Variants in LHFPL3 observed in about 807,000 individuals in gnomAD.
LHFPL3 encodes LHFPL tetraspan subfamily member 3 protein.
LHFPL3 carries 5 observed loss-of-function variants against 19.3 expected under a neutral mutation model. That is an observed-to-expected ratio of 0.26 (90% CI 0.14 to 0.54). The LOEUF is 0.54. Among genes scored for constraint, LHFPL3 ranks in the 20% least tolerant of loss-of-function variants. The pLI is 0.94. For missense variants in LHFPL3, 249 were observed against 307.4 expected, an observed-to-expected ratio of 0.81 and a Z score of 1.42; for synonymous variants, 133 against 126.2, an observed-to-expected ratio of 1.05 and a Z score of -0.36.
chr7:104,388,394 C>T (rs1297509320), intron 1 of LHFPL3, among the ~76,000 whole-genome samples: 172 of 152,174 alleles, frequency 1.1e-3, no homozygotes, highest in African/African-American at 4.0e-3. Flanking sequence ...TAAAAGGGAT[C>T]CTCAATAAGA....
At chr7:104,619,191 A>T (rs904107550) in intron 1 of LHFPL3, among the ~76,000 whole-genome samples, 6 of 152,300 alleles carry the variant, frequency 3.9e-5, no homozygotes, top group African/African-American at 1.4e-4. Context: ...TTCACATATT[A>T]TTGTTCTACA....
intron 1 of LHFPL3, among the ~76,000 whole-genome samples, chr7:104,436,953 T>C (rs1377665662): frequency 6.6e-6 from 1 of 152,200 alleles, no homozygotes; most frequent in Non-Finnish European, 1.5e-5. Flanking sequence ...AAGAGAAAAA[T>C]GGAAATATCT....
intron 1 of LHFPL3, among the ~76,000 whole-genome samples, chr7:104,546,497 A>G (rs1279262819): frequency 6.6e-6 from 1 of 152,220 alleles, no homozygotes; most frequent in Non-Finnish European, 1.5e-5. Flanking sequence ...GACACTCAAA[A>G]GAAAGTCAGA....
At chr7:104,529,652 A>T (rs1394997732) in intron 1 of LHFPL3, among the ~76,000 whole-genome samples, 1 of 152,214 alleles carries the variant, frequency 6.6e-6, no homozygotes, top group South Asian at 2.1e-4. Flanking sequence ...TCTACATAAG[A>T]CAGAAAAATC....
intron 1 of LHFPL3, among the ~76,000 whole-genome samples, chr7:104,393,801 A>G (rs981138382): frequency 6.6e-6 from 1 of 152,240 alleles, no homozygotes; most frequent in Non-Finnish European, 1.5e-5. Context: ...GTGCTACAAC[A>G]TGAATGAATA....
intron 1 of LHFPL3, among the ~76,000 whole-genome samples, chr7:104,640,496 C>T (rs1791812232): frequency 6.6e-6 from 1 of 152,112 alleles, no homozygotes; most frequent in Non-Finnish European, 1.5e-5. Context: ...GTATATGTGT[C>T]ACATTTGCTT....
At chr7:104,878,118 A>T (rs1791984081) in intron 2 of LHFPL3, among the ~76,000 whole-genome samples, 1 of 152,166 alleles carries the variant, frequency 6.6e-6, no homozygotes, top group Non-Finnish European at 1.5e-5. Flanking sequence ...TACAGGCATG[A>T]GCCACCGTGC....
At chr7:104,783,743 G>A (rs1789857919) in intron 2 of LHFPL3, among the ~76,000 whole-genome samples, 1 of 152,122 alleles carries the variant, frequency 6.6e-6, no homozygotes, top group Non-Finnish European at 1.5e-5. Context: ...CCTGAAGTCA[G>A]ATAAACCAAG....
chr7:104,448,239 G>T (rs939648858), intron 1 of LHFPL3, among the ~76,000 whole-genome samples: 2 of 152,094 alleles, frequency 1.3e-5, no homozygotes, highest in Admixed American at 1.3e-4. Flanking sequence ...AAAATACAGG[G>T]AAATTCCTAT....
chr7:104,791,297 G>C (rs1463684859), intron 2 of LHFPL3, among the ~76,000 whole-genome samples: 1 of 152,214 alleles, frequency 6.6e-6, no homozygotes, highest in Non-Finnish European at 1.5e-5. Context: ...AACAAAGCCT[G>C]TGGGCAACAT....
chr7:104,378,963 T>C (rs138976443), intron 1 of LHFPL3, among the ~76,000 whole-genome samples: 1 of 152,366 alleles, frequency 6.6e-6, no homozygotes, highest in African/African-American at 2.4e-5. Flanking sequence ...GTTCAACTTA[T>C]CATTTTTTTC....
At chr7:104,475,240 T>C (rs761084568) in intron 1 of LHFPL3, among the ~76,000 whole-genome samples, 4 of 152,130 alleles carry the variant, frequency 2.6e-5, no homozygotes, top group Non-Finnish European at 4.4e-5. Context: ...GGGAATAAAA[T>C]GGTGCAGACA....
chr7:104,497,640 AAGG>A (rs111689943), intron 1 of LHFPL3, among the ~76,000 whole-genome samples: 1,716 of 151,454 alleles, frequency 0.011, 31 homozygotes, highest in African/African-American at 0.037. Context: ...AAAAAAAAAA[AAGG>A]AGGAAAGGAG....
At chr7:104,397,338 A>G (rs1791211160) in intron 1 of LHFPL3, among the ~76,000 whole-genome samples, 1 of 152,166 alleles carries the variant, frequency 6.6e-6, no homozygotes, top group African/African-American at 2.4e-5. Context: ...GCACTTTACC[A>G]TATTCTTCCT....
chr7:104,525,473 T>C (rs577858404), intron 1 of LHFPL3, among the ~76,000 whole-genome samples: 1 of 152,314 alleles, frequency 6.6e-6, no homozygotes, highest in Admixed American at 6.5e-5. Flanking sequence ...TATTGGTTCA[T>C]GTAGCAGAAA....
chr7:104,881,605 C>G (rs1195713355), intron 2 of LHFPL3, among the ~76,000 whole-genome samples: 1 of 152,190 alleles, frequency 6.6e-6, no homozygotes. Context: ...GAGATGGAAC[C>G]TACTCCTGCT....
At chr7:104,772,510 C>CAGTCACAGG (rs1794571329) in intron 2 of LHFPL3, among the ~76,000 whole-genome samples, 1 of 152,172 alleles carries the variant, frequency 6.6e-6, no homozygotes, top group Non-Finnish European at 1.5e-5. Flanking sequence ...TCCTACACAG[C>CAGTCACAGG]AGTCACAGCA....
intron 2 of LHFPL3, among the ~76,000 whole-genome samples, chr7:104,821,371 GA>G (rs1421357936): frequency 6.6e-6 from 1 of 152,252 alleles, no homozygotes; most frequent in African/African-American, 2.4e-5. Context: ...AGGAAGTGAA[GA>G]GTTCCGATTC....
intron 1 of LHFPL3, among the ~76,000 whole-genome samples, chr7:104,483,852 C>T (rs1793185597): frequency 6.6e-6 from 1 of 152,066 alleles, no homozygotes. Flanking sequence ...TCTGAAACTC[C>T]TGGTTCAAGC....
Sources: gnomAD v4.1 joint callset for allele counts (sites outside exome capture counted in the v4.1 genomes callset) on GRCh38, gnomAD v4.1.1 for gene constraint, MANE v1.5 for transcripts, NCBI Gene and HGNC (gene_info 2026-07-23, HGNC 2026-07-21) for gene names.